The following ADAM2 variants were observed in gnomAD, a reference collection of about 807,000 sequenced individuals.
The protein encoded by ADAM2 is disintegrin and metalloproteinase domain-containing protein 2.
Under a neutral mutation model 99.3 loss-of-function variants are expected in ADAM2, and 101 were observed. That is an observed-to-expected ratio of 1.02 (90% CI 0.87 to 1.20). ADAM2 has a LOEUF of 1.20. ADAM2 is among the 50% of genes most tolerant of loss of function. ADAM2 has a pLI of 0.00. For synonymous variants in ADAM2, 323 were observed against 287.6 expected (o/e 1.12, Z -1.25); for missense variants, 948 against 878.7 (o/e 1.08, Z -1.00).
intron 11 of ADAM2, among the ~76,000 whole-genome samples, chr8:39,771,377 T>C (rs1405907482): frequency 1.3e-5 from 2 of 152,222 alleles, no homozygotes; most frequent in Non-Finnish European, 2.9e-5. Flanking sequence ...GTTACTAATT[T>C]AATCATTCAT....
chr8:39,787,530 A>G (rs1803515404), intron 9 of ADAM2, among the ~76,000 whole-genome samples: 1 of 139,074 alleles, frequency 7.2e-6, no homozygotes, highest in African/African-American at 2.9e-5. Context: ...TAATCTTAAA[A>G]ACTCTCTCTC....
intron 7 of ADAM2, among the ~76,000 whole-genome samples, chr8:39,798,793 T>A (rs1804083197): frequency 6.6e-6 from 1 of 152,192 alleles, no homozygotes; most frequent in African/African-American, 2.4e-5. Context: ...CAGGAACTTA[T>A]CCATTTCTTC....
chr8:39,809,386 A>G, intron 7 of ADAM2, 24 bp downstream of exon 7: 1 of 888,264 alleles, frequency 1.1e-6, no homozygotes, highest in African/African-American at 1.7e-5. Context: ...ATTAAGGGAC[A>G]TAAATAAATC....
chr8:39,837,330 T>C (rs960226592), intron 1 of ADAM2, 118 bp from the exon 2 acceptor site: 8 of 597,824 alleles, frequency 1.3e-5, no homozygotes, highest in African/African-American at 3.9e-5. Context: ...ATTTTTATTA[T>C]CTTCCCATTT....
intron 10 of ADAM2, 61 bp from the exon 11 acceptor site, chr8:39,777,222 T>C (rs1006266033): frequency 2.2e-6 from 3 of 1,349,240 alleles, no homozygotes; most frequent in Non-Finnish European, 3.1e-6. Context: ...GGGAGAACAA[T>C]GCAATTATTA....
intron 15 of ADAM2, among the ~76,000 whole-genome samples, chr8:39,759,256 T>C (rs1802263582): frequency 6.6e-6 from 1 of 151,864 alleles, no homozygotes; most frequent in Non-Finnish European, 1.5e-5. Context: ...GTGATAAACA[T>C]GCCAAAATGT....
At chr8:39,782,730 A>G (rs998835586) in intron 10 of ADAM2, among the ~76,000 whole-genome samples, 3 of 152,052 alleles carry the variant, frequency 2.0e-5, no homozygotes, top group Non-Finnish European at 4.4e-5. Context: ...TATTCAACTA[A>G]TATTTGGATA....
At chr8:39,802,239 C>T (rs912618752) in intron 7 of ADAM2, among the ~76,000 whole-genome samples, 2 of 152,156 alleles carry the variant, frequency 1.3e-5, no homozygotes, top group African/African-American at 4.8e-5. Context: ...TTCCCCTTCC[C>T]CGTGCGGCTC....
chr8:39,749,859 T>A, intron 16 of ADAM2, 115 bp from the exon 17 acceptor site: 1 of 696,668 alleles, frequency 1.4e-6, no homozygotes, highest in Non-Finnish European at 2.4e-6. Flanking sequence ...GGTATTGATT[T>A]AGCAACAAGA....
At chr8:39,834,510 G>A (rs370398889) in intron 2 of ADAM2, among the ~76,000 whole-genome samples, 45 of 152,020 alleles carry the variant, frequency 3.0e-4, no homozygotes, top group African/African-American at 8.2e-4. Context: ...CAAGGCAGGC[G>A]GATCATGAGG....
At chr8:39,806,123 C>A (rs1804426738) in intron 7 of ADAM2, among the ~76,000 whole-genome samples, 1 of 152,096 alleles carries the variant, frequency 6.6e-6, no homozygotes, top group Non-Finnish European at 1.5e-5. Flanking sequence ...CTTTTTCCAA[C>A]ACAAAGGTAA....
chr8:39,802,050 C>T (rs1586125853), intron 7 of ADAM2, among the ~76,000 whole-genome samples: 2 of 152,310 alleles, frequency 1.3e-5, no homozygotes, highest in Admixed American at 1.3e-4. Context: ...GTTAGGTAGG[C>T]TTAAGCATAT....
In ADAM2 at chr8:39,824,838, G is replaced by A. The variant is rs1805335773; in HGVS notation, c.248C>T (p.Pro83Leu). The A allele has an allele frequency of 6.4e-7, 1 of 1,571,744 alleles. No individual in the cohort carries two copies. The change falls in exon 4 of 21, where the codon CCA becomes CTA. Residue 83 changes from proline to leucine, a missense_variant. Coordinates refer to ENST00000265708, the MANE Select transcript of ADAM2 (RefSeq NM_001464.5). ...ACATACCTGAAAATCTTGGTCAAGT[G>A]GTTTCATAATTCCTGTGCCACTATA... Reference protein sequence around the residue: ...YSYSGTGIMKPLDQDFQNFCH... With the variant: ...YSYSGTGIMKLLDQDFQNFCH...
chr8:39,761,093 C>T lies in ADAM2; in HGVS notation c.1613+83G>A, dbSNP rs566631072. ...TACTTTATGTTCAGGGGATATTTTGCTTACATAAACTTAATTGTTTGATGG... is the reference window on the plus strand; with the variant it reads ...TACTTTATGTTCAGGGGATATTTTGTTTACATAAACTTAATTGTTTGATGG... On this transcript the variant is annotated intron_variant, in intron 15 of 20. Transcript: ENST00000265708. 131 of 776,590 alleles carry T rather than the reference C, an allele frequency of 1.7e-4. No individual in the cohort carries two copies. In the African/African-American group the frequency reaches 2.3e-3, roughly 14 times the overall value. The allele number at this position is 776,590 out of a possible 1,614,324, so 48.1% of individuals were successfully genotyped here. A position where few individuals can be genotyped will look rare whatever the true frequency, so the allele number is the denominator to read the frequency against.
At chr8:39,747,195 C>A (rs998676991) in intron 18 of ADAM2, among the ~76,000 whole-genome samples, 14 of 152,156 alleles carry the variant, frequency 9.2e-5, no homozygotes, top group African/African-American at 2.7e-4. Flanking sequence ...ATCTGACTAC[C>A]TTTATCAGCC....
rs536106719 is a variant in ADAM2 at position 39,834,262 on chromosome 8, T to C, written c.133-263A>G. ...ATGTTGATTTTATGACCTGCAACTT[T>C]ATTGAATTCTGTTTGATCTAAGAGA... is the stretch of plus-strand genomic sequence containing the variant. On this transcript the variant is annotated intron_variant, in intron 2 of 20. Coordinates refer to ENST00000265708, the MANE Select transcript of ADAM2 (RefSeq NM_001464.5). Among the ~76,000 whole-genome samples, 5 of 152,270 alleles carry C rather than the reference T, an allele frequency of 3.3e-5. No homozygotes were observed. The East Asian group carries it at 9.6e-4, about 29-fold the overall frequency.
rs750081439 is a variant in ADAM2 at position 39,788,710 on chromosome 8, CA to C, written c.600del (p.Val201SerfsTer8). Reference sequence around the variant, plus strand: ...ATCAACTGGAAAACTTTTTGAGCGACAACAGTTGTATCAGACCCCATATGAT... The same window carrying C: ...ATCAACTGGAAAACTTTTTGAGCGACACAGTTGTATCAGACCCCATATGAT... ...LYNHMGSDTT[V>X]VAQKVFQLIG... On this transcript the variant is annotated frameshift_variant, in exon 8 of 21. Coordinates refer to ENST00000265708, the MANE Select transcript of ADAM2 (RefSeq NM_001464.5). LOFTEE classifies it high-confidence loss of function. 11 of 1,578,432 alleles carry C rather than the reference CA, an allele frequency of 7.0e-6. No individual in the cohort carries two copies. Among genetic ancestry groups the C allele is most frequent in the African/African-American group, 1.4e-5 (1 of 73,310 alleles).
intron 11 of ADAM2, among the ~76,000 whole-genome samples, chr8:39,775,710 AT>A (rs1297649192): frequency 6.6e-5 from 10 of 152,112 alleles, no homozygotes; most frequent in Admixed American, 6.6e-4. Flanking sequence ...TATTGGTGCA[AT>A]AGATGTAGGT....
chr8:39,749,998 G>A (rs1201811447), intron 16 of ADAM2, among the ~76,000 whole-genome samples: 2 of 151,960 alleles, frequency 1.3e-5, no homozygotes, highest in African/African-American at 4.8e-5. Flanking sequence ...GGATAGCAGG[G>A]ACAAATATGA....
Sources: gnomAD v4.1 joint callset for allele counts (sites outside exome capture counted in the v4.1 genomes callset) on GRCh38, gnomAD v4.1.1 for gene constraint, MANE v1.5 for transcripts, NCBI Gene and HGNC (gene_info 2026-07-23, HGNC 2026-07-21) for gene names.